CAMTA1: variants seen among roughly 807,000 people sequenced by gnomAD.
CAMTA1 encodes calmodulin binding transcription activator 1, also known as calmodulin-binding transcription activator 1.
In CAMTA1, 27 loss-of-function variants were observed where a neutral mutation model predicts 170.9. The ratio of observed to expected loss-of-function variants is 0.16; its 90% CI spans 0.12 to 0.22. The LOEUF (loss-of-function observed/expected upper bound fraction) is 0.22. CAMTA1 is among the 10% of genes least tolerant of loss of function. The pLI, the probability that CAMTA1 is intolerant of heterozygous loss-of-function variation, is 1.00. For synonymous variants in CAMTA1, 833 were observed against 891.5 expected, an observed-to-expected ratio of 0.93 and a Z score of 1.17; for missense variants, 1,619 against 2,217.2, an observed-to-expected ratio of 0.73 and a Z score of 5.42.
Position 7,592,617 on chromosome 1 carries a change from G to A in CAMTA1, c.511-47783G>A, listed in dbSNP as rs1386675758. 1.3e-5 allele frequency among the ~76,000 whole-genome samples: 2 copies of A among 152,212 alleles called. No homozygotes were observed. The highest frequency in any genetic ancestry group is 4.8e-5 in the African/African-American group (2 of 41,458). On this transcript the variant is annotated intron_variant, in intron 6 of 22. Transcript: ENST00000303635. The surrounding 1 kb of genome is among the most constrained non-coding windows in gnomAD (Gnocchi z 4.6). ...GTCCTGCAAGCCACCTACCAGTGCG[G>A]AATGAGTGGGGAGTGTCCAGGCGTT...
intron 3 of CAMTA1, among the ~76,000 whole-genome samples, chr1:6,881,903 G>A (rs1037345235): frequency 6.6e-6 from 1 of 152,140 alleles, no homozygotes; most frequent in Admixed American, 6.5e-5. Flanking sequence ...GGAGGCAGAG[G>A]TTGCAGTGAG....
chr1:7,462,982 G>A (rs2093126431), intron 5 of CAMTA1, among the ~76,000 whole-genome samples: 1 of 152,218 alleles, frequency 6.6e-6, no homozygotes, highest in African/African-American at 2.4e-5. Context: ...TCCTGGAGGG[G>A]GACCTGAGCT....
At chr1:7,478,462 CCT>C (rs1476863346) in intron 6 of CAMTA1, among the ~76,000 whole-genome samples, 1 of 152,232 alleles carries the variant, frequency 6.6e-6, no homozygotes, top group Non-Finnish European at 1.5e-5. Context: ...TGCCGACGCT[CCT>C]CTGTCCCTCA....
At chr1:7,433,601 G>T (rs2092252823) in intron 5 of CAMTA1, among the ~76,000 whole-genome samples, 1 of 152,230 alleles carries the variant, frequency 6.6e-6, no homozygotes, top group African/African-American at 2.4e-5. Flanking sequence ...GTGAGCACCT[G>T]GAGGAACCCC....
intron 1 of CAMTA1, among the ~76,000 whole-genome samples, chr1:6,787,900 G>A (rs1243346323): frequency 6.6e-6 from 1 of 151,886 alleles, no homozygotes; most frequent in Non-Finnish European, 1.5e-5. Flanking sequence ...CGTGTGTTTG[G>A]ACAAACGACA....
intron 7 of CAMTA1, among the ~76,000 whole-genome samples, chr1:7,655,575 TACAC>T (rs564576028): frequency 3.2e-5 from 4 of 126,886 alleles, no homozygotes; most frequent in South Asian, 2.9e-4. Flanking sequence ...CACACCCACC[TACAC>T]ACACAAACAC....
At chr1:7,564,146 C>T (rs2095001392) in intron 6 of CAMTA1, among the ~76,000 whole-genome samples, 1 of 152,214 alleles carries the variant, frequency 6.6e-6, no homozygotes, top group African/African-American at 2.4e-5. Flanking sequence ...GACCCCATGT[C>T]CCCTCCTGGG....
chr1:7,284,159 C>G (rs1251831301), intron 5 of CAMTA1, among the ~76,000 whole-genome samples: 1 of 116,890 alleles, frequency 8.6e-6, no homozygotes, highest in Admixed American at 9.0e-5. Context: ...TCTTCTTCTT[C>G]TTCTTCTTCT....
Position 7,561,644 on chromosome 1 carries a change from G to A in CAMTA1, c.511-78756G>A, listed in dbSNP as rs2094958498. 6.6e-6 allele frequency among the ~76,000 whole-genome samples: 1 copy of A among 152,012 alleles called. No homozygotes were observed. The highest frequency in any genetic ancestry group is 1.5e-5 in the Non-Finnish European group (1 of 67,996). On this transcript the variant is annotated intron_variant, in intron 6 of 22. Transcript: ENST00000303635. This position sits in a 1 kb window ranked among gnomAD's most constrained non-coding sequence, Gnocchi z 5.3. ...GGCAGAGCTGGTTACATGCAGCAGT[G>A]GCACAGGATCAGCAGGCAAGGCTCC...
chr1:7,397,046 T>C (rs1557649426), intron 5 of CAMTA1, among the ~76,000 whole-genome samples: 1 of 152,178 alleles, frequency 6.6e-6, no homozygotes, highest in Non-Finnish European at 1.5e-5. Context: ...CTCTTAATTT[T>C]TTGGAATCGT....
At chr1:7,498,446 T>C (rs573728444) in intron 6 of CAMTA1, among the ~76,000 whole-genome samples, 5 of 151,032 alleles carry the variant, frequency 3.3e-5, no homozygotes, top group Non-Finnish European at 7.4e-5. Flanking sequence ...TATGAGTGTG[T>C]GTGAATGTGC....
In CAMTA1 at chr1:7,064,944, C is replaced by T. The variant is rs1708774593; in HGVS notation, c.235-26360C>T. On this transcript the variant is annotated intron_variant, in intron 3 of 22. Transcript: ENST00000303635. This position sits in a 1 kb window ranked among gnomAD's most constrained non-coding sequence, Gnocchi z 5.4. Reference sequence around the variant, plus strand: ...AAGAGGACAGCTTGGGGATGTCCCTCAGAGTTAGAACCAACAGAGTTTGTA... The same window carrying T: ...AAGAGGACAGCTTGGGGATGTCCCTTAGAGTTAGAACCAACAGAGTTTGTA... Among the ~76,000 whole-genome samples the T allele has an allele frequency of 6.6e-6, 1 of 152,100 alleles. No individual in the cohort carries two copies. Among genetic ancestry groups the T allele is most frequent in the Non-Finnish European group, 1.5e-5 (1 of 68,014 alleles).
chr1:7,272,712 A>AAAAAAAAAAAAAAAAAAAAAAAG (rs1670017608), intron 5 of CAMTA1, among the ~76,000 whole-genome samples: 9 of 109,884 alleles, frequency 8.2e-5, no homozygotes, highest in Non-Finnish European at 1.4e-4. Context: ...AAAAAAAAAA[A>AAAAAAAAAAAAAAAAAAAAAAAG]AAAAGAAAAG....
chr1:7,746,141 G>A (rs374120270), intron 18 of CAMTA1, 50 bp downstream of exon 18: 437 of 1,581,750 alleles, frequency 2.8e-4, no homozygotes, highest in Non-Finnish European at 3.7e-4. Context: ...GATCAGAGAG[G>A]ACAGATGAAA....
At chr1:6,994,741 C>T (rs1329899145) in intron 3 of CAMTA1, among the ~76,000 whole-genome samples, 3 of 152,030 alleles carry the variant, frequency 2.0e-5, no homozygotes, top group Non-Finnish European at 4.4e-5. Context: ...AATCTCGGCT[C>T]ACAGCAACCT....
chr1:6,890,362 G>A (rs1008008460), intron 3 of CAMTA1, among the ~76,000 whole-genome samples: 1 of 152,070 alleles, frequency 6.6e-6, no homozygotes, highest in Non-Finnish European at 1.5e-5. Flanking sequence ...ATCCATTTTT[G>A]GATGCATCTC....
chr1:7,755,637 G>C lies in CAMTA1; in HGVS notation c.4959-1G>C. On this transcript the variant is annotated splice_acceptor_variant, in intron 21 of 22. Transcript: ENST00000303635. LOFTEE classifies it high-confidence loss of function. ...CTCTGGTGTTGTTTTACTGTCTAAAGCCCCCTGGTGGACCATAGGCTGTAC... is the reference window on the plus strand; with the variant it reads ...CTCTGGTGTTGTTTTACTGTCTAAACCCCCCTGGTGGACCATAGGCTGTAC... 1 of 1,613,270 alleles carries C rather than the reference G, an allele frequency of 6.2e-7. No homozygotes were observed. Among genetic ancestry groups the C allele is most frequent in the Non-Finnish European group, 8.5e-7 (1 of 1,179,364 alleles).
intron 3 of CAMTA1, among the ~76,000 whole-genome samples, chr1:7,002,833 T>C (rs1698431181): frequency 6.6e-6 from 1 of 152,146 alleles, no homozygotes; most frequent in African/African-American, 2.4e-5. Flanking sequence ...CGTGCCGGTT[T>C]GCCATGACTC....
chr1:7,245,723 C>T (rs984473686), intron 4 of CAMTA1, among the ~76,000 whole-genome samples: 6 of 152,098 alleles, frequency 3.9e-5, no homozygotes, highest in Admixed American at 6.6e-5. Flanking sequence ...GTGGAGGTCT[C>T]GGAAGGTTTC....
Sources: allele counts gnomAD v4.1 joint callset (sites outside exome capture counted in the v4.1 genomes callset), GRCh38; gene constraint gnomAD v4.1.1; non-coding constraint Gnocchi (gnomAD v3.1); transcripts MANE v1.5; gene names NCBI Gene and HGNC (gene_info 2026-07-23, HGNC 2026-07-21).